Variants in ZNF146 observed in about 807,000 individuals in gnomAD.
ZNF146 encodes zinc finger protein 146.
Under a neutral mutation model 22.2 loss-of-function variants are expected in ZNF146, and 9 were observed. The observed-to-expected ratio is 0.41, with a 90% CI of 0.24 to 0.71. The LOEUF (loss-of-function observed/expected upper bound fraction) is 0.71, where lower values mean the gene tolerates loss of function less well. Ranked by LOEUF, ZNF146 falls within the 30% of genes least tolerant of loss-of-function variation. The pLI, the probability that ZNF146 is intolerant of heterozygous loss-of-function variation, is 0.34. For missense variants in ZNF146, 194 were observed against 344.8 expected (o/e 0.56, Z 3.46); for synonymous variants, 108 against 119.2 (o/e 0.91, Z 0.61).
chr19:36,226,390 A>G (rs1031987744), intron 2 of ZNF146, among the ~76,000 whole-genome samples: 2 of 152,336 alleles, frequency 1.3e-5, no homozygotes, highest in Admixed American at 6.5e-5. Flanking sequence ...CAACATACAT[A>G]GTGGATGGGG....
rs1977715786 is a variant in ZNF146, at chr19:36,238,238, G to T, written c.*919G>T. The T allele has an allele frequency of 1.2e-5, 2 of 167,082 alleles. No individual in the cohort carries two copies. Among genetic ancestry groups the T allele is most frequent in the Non-Finnish European group, 2.9e-5 (2 of 68,120 alleles). The allele number at this position is 167,082 out of a possible 1,614,324, so 10.3% of individuals were successfully genotyped here. A position where few individuals can be genotyped will look rare whatever the true frequency, so the allele number is the denominator to read the frequency against. ...TGCAGAATGATACAGATAGTACAAT[G>T]ACTTTTTTGTAAATTTGAATTAAAA... On this transcript the variant is annotated 3_prime_UTR_variant, in exon 4 of 4. Coordinates refer to ENST00000443387, the MANE Select transcript of ZNF146 (RefSeq NM_007145.3).
At chr19:36,229,567 A>AC (rs1977233248) in intron 3 of ZNF146, among the ~76,000 whole-genome samples, 1 of 152,196 alleles carries the variant, frequency 6.6e-6, no homozygotes, top group Non-Finnish European at 1.5e-5. Flanking sequence ...TCTTGAGGTA[A>AC]CCTAGGAATA....
intron 3 of ZNF146, among the ~76,000 whole-genome samples, chr19:36,234,029 C>T (rs1415160509): frequency 1.3e-5 from 2 of 152,226 alleles, no homozygotes; most frequent in South Asian, 2.1e-4. Context: ...GAGGTCCCTG[C>T]GGCCTTCTGT....
chr19:36,231,018 T>C (rs1977336135), intron 3 of ZNF146, among the ~76,000 whole-genome samples: 1 of 152,052 alleles, frequency 6.6e-6, no homozygotes, highest in South Asian at 2.1e-4. Flanking sequence ...CTAGGGCTTA[T>C]ATGTATATAT....
intron 3 of ZNF146, 144 bp from the exon 4 acceptor site, chr19:36,235,515 T>G (rs1977614145): frequency 6.6e-6 from 1 of 152,190 alleles, no homozygotes; most frequent in Non-Finnish European, 1.5e-5. Context: ...TCAAAAAATT[T>G]TATTGCTAGT....
At chr19:36,221,400 T>C (rs556553503) in intron 2 of ZNF146, among the ~76,000 whole-genome samples, 1 of 151,094 alleles carries the variant, frequency 6.6e-6, no homozygotes, top group South Asian at 2.1e-4. Flanking sequence ...GCCATTCTTC[T>C]GCCTCAGCCT....
intron 1 of ZNF146, among the ~76,000 whole-genome samples, chr19:36,217,153 C>G (rs570210095): frequency 6.8e-6 from 1 of 147,180 alleles, no homozygotes; most frequent in Admixed American, 7.0e-5. Flanking sequence ...ACCTCTGCCC[C>G]CCAGGTTCAA....
At position 36,235,185 on chromosome 19, in the gene ZNF146, G is replaced by T. The variant is rs56279190; in HGVS notation, c.-782-474G>T. On this transcript the variant is annotated intron_variant, in intron 3 of 3. Coordinates refer to ENST00000443387, the MANE Select transcript of ZNF146 (RefSeq NM_007145.3). ...GATCGCACCACTGCACTCCAGCCTG[G>T]ATAACGAGCGAAATTCCGTCTCAAA... Among the ~76,000 whole-genome samples the T allele has an allele frequency of 5.3e-3, 786 of 149,004 alleles. 7 individuals are homozygous for T. Among genetic ancestry groups the T allele is most frequent in the African/African-American group, 0.019 (753 of 40,332 alleles).
At chr19:36,228,176 AAG>A (rs1272058693) in intron 2 of ZNF146, among the ~76,000 whole-genome samples, 5 of 151,432 alleles carry the variant, frequency 3.3e-5, no homozygotes, top group Non-Finnish European at 5.9e-5. Context: ...AAAAAAAAAA[AAG>A]AAAGAATTTC....
chr19:36,219,868 A>G (rs540947351), intron 2 of ZNF146, among the ~76,000 whole-genome samples: 1 of 152,270 alleles, frequency 6.6e-6, no homozygotes, highest in African/African-American at 2.4e-5. Flanking sequence ...TATAGTCTTA[A>G]TTTCTCTTGT....
At chr19:36,218,807 C>CT (rs201752963) in intron 2 of ZNF146, among the ~76,000 whole-genome samples, 17 of 139,818 alleles carry the variant, frequency 1.2e-4, no homozygotes, top group Middle Eastern at 4.5e-3. Flanking sequence ...TTAAAATTTT[C>CT]TTTTTTTTTG....
chr19:36,233,497 G>A (rs908074413), intron 3 of ZNF146, among the ~76,000 whole-genome samples: 2 of 152,060 alleles, frequency 1.3e-5, no homozygotes, highest in Non-Finnish European at 2.9e-5. Context: ...ACCTGCATAC[G>A]GAGGACCTCT....
rs1371679863 is a variant in ZNF146, at chr19:36,235,687, AGAGAGGCACCAGGACTT to A, written c.-735_-719del. The stretch of plus-strand genomic sequence containing the variant: ...AAGCCTGAGAAGATGATGCACAGAT[AGAGAGGCACCAGGACTT>A]GAGAGGCACCAGGACTTGGGAGGCA... On this transcript the variant is annotated 5_prime_UTR_variant, in exon 4 of 4. Coordinates refer to ENST00000443387, the MANE Select transcript of ZNF146 (RefSeq NM_007145.3). 1.1e-4 allele frequency: 17 copies of A among 152,398 alleles called. No individual in the cohort carries two copies. Among genetic ancestry groups the A allele is most frequent in the Admixed American group, 3.3e-4 (5 of 15,290 alleles). The allele number at this position is 152,398 out of a possible 1,614,324, so 9.4% of individuals were successfully genotyped here.
chr19:36,235,510 A>G (rs1977613866), intron 3 of ZNF146, 149 bp from the exon 4 acceptor site: 2 of 152,196 alleles, frequency 1.3e-5, no homozygotes, highest in African/African-American at 4.8e-5. Context: ...TAATCTCAAA[A>G]AATTTTATTG....
rs1364693637 is a variant in ZNF146, at chr19:36,238,038, C to G, written c.*719C>G. 6.0e-6 allele frequency: 1 copy of G among 167,070 alleles called. No individual in the cohort carries two copies. Among genetic ancestry groups the G allele is most frequent in the African/African-American group, 2.4e-5 (1 of 41,446 alleles). 10.3% of individuals were successfully genotyped at this position (167,070 alleles called of 1,614,324 possible). A position where few individuals can be genotyped will look rare whatever the true frequency, so the allele number is the denominator to read the frequency against. ...AGTATGAATGCTCAGGAAATACGCA[C>G]TAGGATATTTACTGTGGCTTGATTT... is the stretch of plus-strand genomic sequence containing the variant. On this transcript the variant is annotated 3_prime_UTR_variant, in exon 4 of 4. Coordinates refer to ENST00000443387, the MANE Select transcript of ZNF146 (RefSeq NM_007145.3).
chr19:36,236,501 T>C lies in ZNF146; in HGVS notation c.61T>C (p.Cys21Arg). The C allele has an allele frequency of 6.2e-7, 1 of 1,613,850 alleles. No individual in the cohort carries two copies. The highest frequency in any genetic ancestry group is 8.5e-7 in the Non-Finnish European group (1 of 1,179,744). ...SGENPFACKVCGKVFSHKSNL... is the reference protein window; with the variant it reads ...SGENPFACKVRGKVFSHKSNL... ...GGAAAACCCCTTTGCCTGTAAGGTA[T>C]GTGGAAAAGTCTTCAGCCACAAATC... Residue 21 changes from cysteine (C) to arginine (R), a missense_variant, in exon 4 of 4, where the codon TGT becomes CGT. Around this residue, in one of 2 missense-constraint regions of ZNF146, gnomAD observed 47 missense variants for 44.7 expected, o/e 1.05. Transcript: ENST00000443387.
chr19:36,217,826 A>G (rs1289942450), intron 1 of ZNF146, among the ~76,000 whole-genome samples: 1 of 151,876 alleles, frequency 6.6e-6, no homozygotes, highest in African/African-American at 2.4e-5. Context: ...CGGAGGTTGC[A>G]GTGAACAGAG....
chr19:36,232,600 T>C (rs1464411617), intron 3 of ZNF146, among the ~76,000 whole-genome samples: 1 of 141,614 alleles, frequency 7.1e-6, no homozygotes, highest in Non-Finnish European at 1.5e-5. Flanking sequence ...CAGTTCTTTT[T>C]TCTTTTTTCT....
chr19:36,229,352 AG>A (rs978913628), intron 3 of ZNF146, among the ~76,000 whole-genome samples: 5 of 152,166 alleles, frequency 3.3e-5, no homozygotes, highest in Non-Finnish European at 7.4e-5. Flanking sequence ...TTGTTGACCT[AG>A]AAATCAGTTT....
Sources: allele counts gnomAD v4.1 joint callset (sites outside exome capture counted in the v4.1 genomes callset), GRCh38; gene constraint gnomAD v4.1.1; regional missense constraint gnomAD v4.1.1; transcripts MANE v1.5; gene names NCBI Gene and HGNC (gene_info 2026-07-23, HGNC 2026-07-21).